The following NDC1 variants were observed in gnomAD, a reference collection of about 807,000 sequenced individuals.
The protein encoded by NDC1 is nucleoporin NDC1.
Under a neutral mutation model 89.8 loss-of-function variants are expected in NDC1, and 24 were observed. The observed-to-expected ratio is 0.27, with a 90% confidence interval of 0.19 to 0.38. The LOEUF (loss-of-function observed/expected upper bound fraction) is 0.38, where lower values mean the gene tolerates loss of function less well. Ranked by LOEUF, NDC1 falls within the 10% of genes least tolerant of loss-of-function variation. The pLI is 1.00. For synonymous variants in NDC1, 296 were observed against 284.8 expected, an observed-to-expected ratio of 1.04 and a Z score of -0.39; for missense variants, 728 against 797.6, an observed-to-expected ratio of 0.91 and a Z score of 1.05.
At chr1:53,778,260 TACACACACAC>T (rs202023880) in intron 16 of NDC1, among the ~76,000 whole-genome samples, 41 of 144,778 alleles carry the variant, frequency 2.8e-4, no homozygotes, top group South Asian at 6.7e-4. Context: ...TGTGTGTATA[TACACACACAC>T]ACACACACAC....
intron 6 of NDC1, among the ~76,000 whole-genome samples, chr1:53,816,645 C>CAAAAAAAAA (rs547632909): frequency 8.2e-6 from 1 of 121,430 alleles, no homozygotes; most frequent in African/African-American, 2.9e-5. Flanking sequence ...AAACAAAAAA[C>CAAAAAAAAA]AAAAAAAAAA....
intron 6 of NDC1, among the ~76,000 whole-genome samples, chr1:53,814,668 G>A (rs1178303780): frequency 1.3e-5 from 2 of 152,078 alleles, no homozygotes; most frequent in African/African-American, 4.8e-5. Context: ...CAAAAAGCTG[G>A]TTCTTTGAAA....
intron 13 of NDC1, among the ~76,000 whole-genome samples, chr1:53,795,821 A>G (rs1040056012): frequency 1.1e-4 from 17 of 152,284 alleles, no homozygotes; most frequent in South Asian, 2.1e-4. Flanking sequence ...CTTTCAAAAT[A>G]TAAGTTACAT....
In NDC1 at chr1:53,835,646, C is replaced by T. The variant is rs180886195; in HGVS notation, c.58-26G>A. On this transcript the variant is annotated intron_variant, in intron 1 of 17. Transcript: ENST00000371429. ...CTATAAACAAAAAGAAAAACCCTCACTCATGAAGTCAGTTAAATTATTTCA... is the reference window on the plus strand; with the variant it reads ...CTATAAACAAAAAGAAAAACCCTCATTCATGAAGTCAGTTAAATTATTTCA... 4.1e-4 allele frequency: 659 copies of T among 1,588,400 alleles called. 3 individuals carry two copies. In the African/African-American group the frequency reaches 8.2e-3, roughly 20 times the overall value.
At chr1:53,785,473 C>T (rs1440508636) in intron 16 of NDC1, among the ~76,000 whole-genome samples, 1 of 152,146 alleles carries the variant, frequency 6.6e-6, no homozygotes, top group Non-Finnish European at 1.5e-5. Context: ...ACAAAAAGTG[C>T]TCAAAGCAAA....
At chr1:53,789,846 G>A (rs375848613) in intron 14 of NDC1, among the ~76,000 whole-genome samples, 56 of 151,126 alleles carry the variant, frequency 3.7e-4, no homozygotes, top group African/African-American at 1.1e-3. Context: ...GCTCATGCCC[G>A]TAATCCTAGC....
rs1253197244 is a variant in NDC1 at position 53,806,433 on chromosome 1, T to TG, written c.975dup (p.Ile326HisfsTer77). On this transcript the variant is annotated frameshift_variant, in exon 9 of 18. Transcript: ENST00000371429. LOFTEE classifies it high-confidence loss of function. Reference sequence around the variant, plus strand: ...CAACACAGTTTGGATACCTTTATGATGGGGGGAGGATTGCTATTTAACACT... The same window carrying TG: ...CAACACAGTTTGGATACCTTTATGATGGGGGGGAGGATTGCTATTTAACACT... The TG allele has an allele frequency of 1.3e-6, 2 of 1,535,428 alleles. No homozygotes were observed. Among genetic ancestry groups the TG allele is most frequent in the South Asian group, 2.6e-5 (2 of 76,112 alleles).
rs537255311 is a variant in NDC1 at position 53,808,254 on chromosome 1, G to T, written c.756-463C>A. On this transcript the variant is annotated intron_variant, in intron 7 of 17. Transcript: ENST00000371429. ...ACTAAACAATGTTAAAGCAATTTAAGACACTCTGTTAGACTGCTAAGTAAA... is the reference window on the plus strand; with the variant it reads ...ACTAAACAATGTTAAAGCAATTTAATACACTCTGTTAGACTGCTAAGTAAA... 3.3e-5 allele frequency among the ~76,000 whole-genome samples: 5 copies of T among 152,190 alleles called. No individual in the cohort carries two copies. In the South Asian group the frequency reaches 8.3e-4, roughly 25 times the overall value.
At chr1:53,817,762 T>A (rs772081768) in intron 6 of NDC1, among the ~76,000 whole-genome samples, 7 of 152,186 alleles carry the variant, frequency 4.6e-5, no homozygotes, top group Admixed American at 1.3e-4. Context: ...GGATGGCCTA[T>A]ACACAGTGAG....
chr1:53,808,146 A>G (rs1212873603), intron 7 of NDC1, among the ~76,000 whole-genome samples: 2 of 152,208 alleles, frequency 1.3e-5, no homozygotes, highest in African/African-American at 4.8e-5. Flanking sequence ...ATTAAACATG[A>G]CTAGTACTTC....
At chr1:53,804,562 C>T (rs1246804441) in intron 9 of NDC1, among the ~76,000 whole-genome samples, 9 of 152,232 alleles carry the variant, frequency 5.9e-5, no homozygotes, top group Admixed American at 2.6e-4. Flanking sequence ...CTGCTACCTC[C>T]GCCTTACGGG....
chr1:53,790,388 C>T (rs1220024473), intron 14 of NDC1, among the ~76,000 whole-genome samples: 2 of 143,958 alleles, frequency 1.4e-5, no homozygotes, highest in Non-Finnish European at 3.0e-5. Context: ...CCCAAAAAAC[C>T]AAAATAAATA....
At chr1:53,807,278 T>C (rs1296671645) in intron 8 of NDC1, among the ~76,000 whole-genome samples, 1 of 149,912 alleles carries the variant, frequency 6.7e-6, no homozygotes, top group Non-Finnish European at 1.5e-5. Flanking sequence ...AAAAAAATTC[T>C]TACTGCCACA....
intron 6 of NDC1, among the ~76,000 whole-genome samples, chr1:53,811,789 G>A (rs150940504): frequency 1.3e-5 from 2 of 152,148 alleles, no homozygotes; most frequent in African/African-American, 2.4e-5. Flanking sequence ...CTCCTGGCAG[G>A]AGGCCCAATC....
intron 8 of NDC1, among the ~76,000 whole-genome samples, chr1:53,807,206 C>T (rs1388139559): frequency 6.9e-6 from 1 of 144,758 alleles, no homozygotes; most frequent in East Asian, 2.0e-4. Context: ...AAGATCAGGC[C>T]ACTGCCCTCC....
chr1:53,833,380 C>T (rs1649129268), intron 2 of NDC1, among the ~76,000 whole-genome samples: 1 of 152,090 alleles, frequency 6.6e-6, no homozygotes, highest in Admixed American at 6.6e-5. Flanking sequence ...AAGTAATTCA[C>T]CCACCTCGGC....
intron 10 of NDC1, among the ~76,000 whole-genome samples, chr1:53,801,632 C>G (rs1456491495): frequency 2.6e-5 from 4 of 152,204 alleles, no homozygotes; most frequent in South Asian, 2.1e-4. Context: ...ACACTCCCCC[C>G]ATTGTAAAAC....
chr1:53,803,894 T>C, intron 10 of NDC1, 34 bp downstream of exon 10: 1 of 1,497,200 alleles, frequency 6.7e-7, no homozygotes, highest in South Asian at 1.1e-5. Context: ...TCTACACACA[T>C]ATGCCTAATC....
At position 53,821,512 on chromosome 1, in the gene NDC1, T is replaced by C. The variant is rs571019761; in HGVS notation, c.595-2433A>G. Reference sequence around the variant, plus strand: ...CACTAATCATATTGCTTCAATTATATTGGTCTGTTCAAATATTTTCAAAGT... The same window carrying C: ...CACTAATCATATTGCTTCAATTATACTGGTCTGTTCAAATATTTTCAAAGT... On this transcript the variant is annotated intron_variant, in intron 5 of 17. Transcript: ENST00000371429. Among the ~76,000 whole-genome samples, 10 of 152,342 alleles carry C rather than the reference T, an allele frequency of 6.6e-5. No homozygotes were observed. In the East Asian group the frequency reaches 1.2e-3, roughly 18 times the overall value.
Sources: allele counts gnomAD v4.1 joint callset (sites outside exome capture counted in the v4.1 genomes callset), GRCh38; gene constraint gnomAD v4.1.1; transcripts MANE v1.5; gene names NCBI Gene and HGNC (gene_info 2026-07-23, HGNC 2026-07-21).